Variants in DMXL1 observed in about 807,000 individuals in gnomAD.
DMXL1 encodes Dmx like 1, also known as dmX-like protein 1.
A neutral mutation model predicts 319.2 loss-of-function variants in DMXL1; 99 were observed. The observed-to-expected ratio is 0.31, with a 90% CI of 0.26 to 0.37. The LOEUF (loss-of-function observed/expected upper bound fraction) is 0.37. Among genes scored for constraint, DMXL1 ranks in the 10% least tolerant of loss-of-function variants. The probability of loss-of-function intolerance (pLI) is 1.00; values close to 1 mark genes in which losing one functional copy is unlikely to be tolerated. For missense variants in DMXL1, 3,745 were observed against 3,595.6 expected, an observed-to-expected ratio of 1.04 and a Z score of -1.06; for synonymous variants, 1,385 against 1,235.2, an observed-to-expected ratio of 1.12 and a Z score of -2.54.
chr5:119,145,145 ACAG>A (rs1163321162), intron 15 of DMXL1, among the ~76,000 whole-genome samples: 1 of 151,840 alleles, frequency 6.6e-6, no homozygotes, highest in Non-Finnish European at 1.5e-5. Flanking sequence ...ACTTGCGATT[ACAG>A]AGCCAAACCA....
At chr5:119,232,208 A>G (rs919960108) in intron 38 of DMXL1, among the ~76,000 whole-genome samples, 5 of 152,150 alleles carry the variant, frequency 3.3e-5, no homozygotes, top group African/African-American at 4.8e-5. Context: ...CAACCACCCC[A>G]ATTTATTTTT....
At chr5:119,096,723 T>G (rs553014982) in intron 1 of DMXL1, among the ~76,000 whole-genome samples, 6 of 152,340 alleles carry the variant, frequency 3.9e-5, no homozygotes, top group African/African-American at 1.4e-4. Context: ...GGGAGAGTTA[T>G]GCTAACTGTT....
chr5:119,230,954 C>T (rs1786599015), intron 38 of DMXL1, among the ~76,000 whole-genome samples: 1 of 152,004 alleles, frequency 6.6e-6, no homozygotes, highest in South Asian at 2.1e-4. Context: ...ACAAGATTAC[C>T]CACCCAGATT....
chr5:119,100,932 A>G (rs1757129408), intron 2 of DMXL1, among the ~76,000 whole-genome samples: 1 of 140,426 alleles, frequency 7.1e-6, no homozygotes, highest in South Asian at 2.6e-4. Flanking sequence ...GGCGCCTGCC[A>G]TCGCCCGGCT....
At position 119,164,535 on chromosome 5, in the gene DMXL1, A is replaced by G; in HGVS notation, c.4731A>G (p.Ala1577=). The G allele has an allele frequency of 1.9e-6, 3 of 1,614,002 alleles. No homozygotes were observed. The highest frequency in any genetic ancestry group is 2.5e-6 in the Non-Finnish European group (3 of 1,179,924). Residue 1577 remains alanine, a synonymous_variant, in exon 20 of 44, where the codon GCA becomes GCG. Transcript: ENST00000539542. ...QGLSTSHFAW[A]FHSVAEEELL... The stretch of plus-strand genomic sequence containing the variant: ...TGTCTACAAGTCATTTTGCTTGGGC[A>G]TTTCACTCAGTAGCAGAAGAAGAAC...
At chr5:119,204,151 T>C (rs1009944987) in intron 33 of DMXL1, among the ~76,000 whole-genome samples, 7 of 152,016 alleles carry the variant, frequency 4.6e-5, no homozygotes, top group African/African-American at 7.3e-5. Context: ...TTATTTATCT[T>C]TTTTGAGATG....
At position 119,164,597 on chromosome 5, in the gene DMXL1, C is replaced by G. The variant is rs756770037; in HGVS notation, c.4793C>G (p.Pro1598Arg). The G allele has an allele frequency of 6.2e-7, 1 of 1,613,908 alleles. No homozygotes were observed. The highest frequency in any genetic ancestry group is 2.2e-5 in the East Asian group (1 of 44,888). Residue 1598 changes from proline (P) to arginine (R), a missense_variant, in exon 20 of 44, where the codon CCC (proline) becomes CGC (arginine). Pro to Arg is a moderately radical substitution (Grantham distance 103). Transcript: ENST00000539542. ...TTGCCAGCCATGCAGAAAGATGATC[C>G]CACTTGGTCTGAACTAAGAGCTATG... ...NMLPAMQKDD[P>R]TWSELRAMGV...
In DMXL1 at chr5:119,149,455, G is replaced by C. The variant is rs202133932; in HGVS notation, c.3628G>C (p.Asp1210His). 1.1e-5 allele frequency: 18 copies of C among 1,613,848 alleles called. No individual in the cohort carries two copies. The highest frequency in any genetic ancestry group is 1.4e-5 in the Non-Finnish European group (17 of 1,179,908). The change falls in exon 18 of 44, where the codon GAT (aspartate) becomes CAT (histidine). Residue 1210 changes from aspartate (D) to histidine (H), a missense_variant. By Grantham distance (81) the Asp-to-His change is moderately conservative. Transcript: ENST00000539542. The stretch of plus-strand genomic sequence containing the variant: ...AAGTGTGGACCTAGTTTCTTCTGTA[G>C]ATGGCTCCCCACCTTTTCCTGTTTC... ...LRSVDLVSSV[D>H]GSPPFPVSLS...
chr5:119,153,119 G>A (rs569511341), intron 19 of DMXL1, among the ~76,000 whole-genome samples: 1 of 152,004 alleles, frequency 6.6e-6, no homozygotes, highest in South Asian at 2.1e-4. Flanking sequence ...TGGGACTACA[G>A]GCGCACACCA....
chr5:119,084,509 T>C (rs1752904588), intron 1 of DMXL1, among the ~76,000 whole-genome samples: 1 of 152,236 alleles, frequency 6.6e-6, no homozygotes, highest in Non-Finnish European at 1.5e-5. Flanking sequence ...CATTTTTTTC[T>C]ATTTCTTTGA....
chr5:119,172,801 G>A (rs1044282546), intron 25 of DMXL1, among the ~76,000 whole-genome samples: 10 of 151,536 alleles, frequency 6.6e-5, no homozygotes, highest in Admixed American at 5.3e-4. Flanking sequence ...ACACCAATTC[G>A]ATTTTCTGTT....
intron 5 of DMXL1, among the ~76,000 whole-genome samples, chr5:119,112,050 T>C (rs1029292294): frequency 6.6e-6 from 1 of 152,152 alleles, no homozygotes; most frequent in African/African-American, 2.4e-5. Context: ...AAGCTCCGCC[T>C]CCCGGGTTCA....
At chr5:119,132,734 G>A in intron 10 of DMXL1, 2 of 529,966 alleles carry the variant, frequency 3.8e-6, no homozygotes, top group Non-Finnish European at 3.8e-6. Flanking sequence ...TCCTATATTG[G>A]CATTGCTGCT....
chr5:119,239,995 A>C (rs1788478528), intron 41 of DMXL1, among the ~76,000 whole-genome samples: 1 of 151,134 alleles, frequency 6.6e-6, no homozygotes, highest in Non-Finnish European at 1.5e-5. Flanking sequence ...TAGCCAGAGC[A>C]TGTTGGCTCA....
chr5:119,174,172 A>G (rs966067396), intron 25 of DMXL1, among the ~76,000 whole-genome samples: 1 of 152,118 alleles, frequency 6.6e-6, no homozygotes, highest in Non-Finnish European at 1.5e-5. Flanking sequence ...ATCTGAAAAC[A>G]TTTCACAGAC....
In DMXL1 at chr5:119,191,659, G is replaced by A. The variant is rs192523091; in HGVS notation, c.7314+1773G>A. Among the ~76,000 whole-genome samples the A allele has an allele frequency of 2.0e-5, 3 of 152,262 alleles. No individual in the cohort carries two copies. The East Asian group carries it at 5.8e-4, about 29-fold the overall frequency. ...ACCCAATCAATATCACAACCTCAAA[G>A]TAGTTGAGATGTTACCTTCCCTAAT... On this transcript the variant is annotated intron_variant, in intron 29 of 43. Coordinates refer to ENST00000539542, the MANE Select transcript of DMXL1 (RefSeq NM_001290321.3).
chr5:119,198,024 T>G, intron 32 of DMXL1, 68 bp downstream of exon 32: 2 of 1,495,330 alleles, frequency 1.3e-6, no homozygotes, highest in South Asian at 2.3e-5. Context: ...TGTCTCGCTC[T>G]GTCATCCGGG....
intron 4 of DMXL1, 132 bp downstream of exon 4, chr5:119,105,390 TGCCCTTTTAGAG>T: frequency 1.5e-6 from 1 of 663,390 alleles, no homozygotes; most frequent in Non-Finnish European, 2.7e-6. Context: ...AAATGGATTA[TGCCCTTTTAGAG>T]TTTATACTGA....
chr5:119,211,127 G>C (rs1214232124), intron 34 of DMXL1, among the ~76,000 whole-genome samples: 1 of 150,536 alleles, frequency 6.6e-6, no homozygotes, highest in African/African-American at 2.4e-5. Flanking sequence ...AGCTATACTT[G>C]GTCGTGATGT....
Sources: gnomAD v4.1 joint callset for allele counts (sites outside exome capture counted in the v4.1 genomes callset) on GRCh38, gnomAD v4.1.1 for gene constraint, MANE v1.5 for transcripts, NCBI Gene and HGNC (gene_info 2026-07-23, HGNC 2026-07-21) for gene names.